The following EFCAB3 variants were observed in gnomAD, a reference collection of about 807,000 sequenced individuals.
The protein encoded by EFCAB3 is EF-hand calcium-binding domain-containing protein 3.
In EFCAB3, 36 loss-of-function variants were observed where a neutral mutation model predicts 42.2. The ratio of observed to expected loss-of-function variants is 0.85; its 90% confidence interval spans 0.65 to 1.13. The LOEUF (loss-of-function observed/expected upper bound fraction) is 1.13, where lower values mean the gene tolerates loss of function less well. EFCAB3 is among the 50% of genes most tolerant of loss of function. The pLI, the probability that EFCAB3 is intolerant of heterozygous loss-of-function variation, is 0.00. For synonymous variants in EFCAB3, 170 were observed against 172.8 expected (o/e 0.98, Z 0.13); for missense variants, 418 against 505.1 (o/e 0.83, Z 1.65).
intron 5 of EFCAB3, among the ~76,000 whole-genome samples, chr17:62,394,099 G>A (rs903787537): frequency 1.3e-5 from 2 of 151,930 alleles, no homozygotes; most frequent in African/African-American, 4.8e-5. Context: ...GACTACAGGC[G>A]CCCGCCACCA....
rs773660770 is a variant in EFCAB3, at chr17:62,391,844, C to A, written c.174C>A (p.Phe58Leu). The A allele has an allele frequency of 6.2e-7, 1 of 1,613,612 alleles. No individual in the cohort carries two copies. Among genetic ancestry groups the A allele is most frequent in the Non-Finnish European group, 8.5e-7 (1 of 1,179,770 alleles). The change falls in exon 4 of 10, where the codon TTC becomes TTA. Residue 58 changes from phenylalanine to leucine, a missense_variant. By Grantham distance (22) the Phe-to-Leu change is conservative. Transcript: ENST00000305286. ...QMAAFQDAYN[F>L]FYKDKTGCID... ...CAGCTTTCCAAGATGCCTACAACTT[C>A]TTCTACAAGGACAAAACTGGCTGTA...
upstream of EFCAB3, among the ~76,000 whole-genome samples, chr17:62,375,858 A>G (rs1413963631): frequency 6.6e-6 from 1 of 151,286 alleles, no homozygotes; most frequent in East Asian, 1.9e-4. Context: ...TTCCTCTTTT[A>G]TTATCTTCTC....
intron 4 of EFCAB3, among the ~76,000 whole-genome samples, chr17:62,392,707 A>G (rs1455952327): frequency 1.3e-5 from 2 of 151,664 alleles, no homozygotes; most frequent in African/African-American, 4.8e-5. Context: ...GCGCAATCTC[A>G]GCTCACTGCA....
At chr17:62,377,182 T>C (rs1222957949), upstream of EFCAB3, among the ~76,000 whole-genome samples, 1 of 152,262 alleles carries the variant, frequency 6.6e-6, no homozygotes, top group Non-Finnish European at 1.5e-5. Flanking sequence ...ATTTCTTCTT[T>C]ATATGTATTG....
At chr17:62,371,978 T>A (rs916318835) in intron 1 of EFCAB3, among the ~76,000 whole-genome samples, 3 of 151,838 alleles carry the variant, frequency 2.0e-5, no homozygotes, top group African/African-American at 7.3e-5. Context: ...TTTAAAAGAG[T>A]ATATTGATTT....
intron 9 of EFCAB3, among the ~76,000 whole-genome samples, chr17:62,415,247 C>G (rs752803691): frequency 9.9e-5 from 15 of 152,178 alleles, no homozygotes; most frequent in Non-Finnish European, 2.1e-4. Flanking sequence ...TGCTAATGAT[C>G]CAACATGAAG....
upstream of EFCAB3, among the ~76,000 whole-genome samples, chr17:62,378,770 G>T (rs551658394): frequency 3.0e-3 from 425 of 141,384 alleles, 2 homozygotes; most frequent in African/African-American, 1.0e-2. Flanking sequence ...CTGTTGGGGG[G>T]TAGGGGGGTG....
chr17:62,388,159 C>G (rs796641312), intron 3 of EFCAB3, among the ~76,000 whole-genome samples: 1 of 151,796 alleles, frequency 6.6e-6, no homozygotes, highest in African/African-American at 2.4e-5. Flanking sequence ...TGCAGTAAGC[C>G]GAGATCGCGC....
In EFCAB3 at chr17:62,406,607, G is replaced by T. The variant is rs1598019967; in HGVS notation, c.616G>T (p.Ala206Ser). 3.1e-6 allele frequency: 5 copies of T among 1,614,016 alleles called. No homozygotes were observed. The East Asian group carries it at 1.1e-4, about 36-fold the overall frequency. The change falls in exon 7 of 10, where the codon GCT (alanine) becomes TCT (serine). Residue 206 changes from alanine (A) to serine (S), a missense_variant. Physicochemically the swap from Ala to Ser is moderately conservative, Grantham distance 99 (BLOSUM62 1). Transcript: ENST00000305286. ...TPPSSSMAAF[A>S]NAARIAIMKE... ...TCCAAGCTCAAGCATGGCTGCCTTT[G>T]CTAATGCTGCCCGGATTGCAATAAT...
At chr17:62,412,869 T>A (rs1159194037) in intron 8 of EFCAB3, among the ~76,000 whole-genome samples, 1 of 152,100 alleles carries the variant, frequency 6.6e-6, no homozygotes, top group Non-Finnish European at 1.5e-5. Flanking sequence ...TGGAGAATTT[T>A]AACTTAAGGA....
intron 6 of EFCAB3, among the ~76,000 whole-genome samples, chr17:62,401,153 A>C (rs1308696678): frequency 6.6e-6 from 1 of 151,924 alleles, no homozygotes; most frequent in African/African-American, 2.4e-5. Flanking sequence ...TTTTCTTGTA[A>C]ATTTGTTTAA....
At position 62,382,985 on chromosome 17, in the gene EFCAB3, A is replaced by C. The variant is rs1402867125; in HGVS notation, c.6A>C (p.Ala2=). The change falls in exon 2 of 10, where the codon GCA becomes GCC. Residue 2 remains alanine (A), a synonymous_variant. Coordinates refer to ENST00000305286, the MANE Select transcript of EFCAB3 (RefSeq NM_173503.4). ...CAGACAGAGTCACTGGCCACATGGCAGTTTCAGAAATTAAACCAAAACTTA... is the reference window on the plus strand; with the variant it reads ...CAGACAGAGTCACTGGCCACATGGCCGTTTCAGAAATTAAACCAAAACTTA... M[A]VSEIKPKLKL... 2 of 1,613,658 alleles carry C rather than the reference A, an allele frequency of 1.2e-6. No homozygotes were observed. Among genetic ancestry groups the C allele is most frequent in the East Asian group, 4.5e-5 (2 of 44,858 alleles).
At chr17:62,378,650 T>G (rs1176920527), upstream of EFCAB3, among the ~76,000 whole-genome samples, 1 of 151,898 alleles carries the variant, frequency 6.6e-6, no homozygotes, top group Non-Finnish European at 1.5e-5. Flanking sequence ...CATTGAGCCA[T>G]CACTGCACCA....
intron 3 of EFCAB3, 125 bp from the exon 4 acceptor site, chr17:62,391,697 A>AT (rs2070303793): frequency 3.7e-6 from 4 of 1,080,598 alleles, no homozygotes; most frequent in East Asian, 2.5e-5. Flanking sequence ...TTAAGCACTC[A>AT]TTTTTTTCGC....
In EFCAB3 at chr17:62,389,404, C is replaced by T. The variant is rs148223877; in HGVS notation, c.151+1988C>T. On this transcript the variant is annotated intron_variant, in intron 3 of 9. Coordinates refer to ENST00000305286, the MANE Select transcript of EFCAB3 (RefSeq NM_173503.4). ...AGGAATTGACCAGCCCTGAGAGGGGCAGTCCCTCCAGGGCCAGCAAGGCCC... is the reference window on the plus strand; with the variant it reads ...AGGAATTGACCAGCCCTGAGAGGGGTAGTCCCTCCAGGGCCAGCAAGGCCC... Among the ~76,000 whole-genome samples, 30 of 152,280 alleles carry T rather than the reference C, an allele frequency of 2.0e-4. No homozygotes were observed. In the East Asian group the frequency reaches 5.8e-3, roughly 29 times the overall value.
intron 6 of EFCAB3, 27 bp from the exon 7 acceptor site, chr17:62,406,453 A>T (rs1272057135): frequency 1.3e-6 from 2 of 1,549,090 alleles, no homozygotes; most frequent in African/African-American, 2.8e-5. Flanking sequence ...CTTTGTATCC[A>T]TTTCTGAATT....
At position 62,387,489 on chromosome 17, in the gene EFCAB3, G is replaced by T. The variant is rs571084210; in HGVS notation, c.151+73G>T. The T allele has an allele frequency of 1.2e-4, 152 of 1,313,336 alleles. 1 individual carries two copies. In the East Asian group the frequency reaches 3.7e-3, roughly 32 times the overall value. 81.4% of individuals were successfully genotyped at this position (1,313,336 alleles called of 1,614,324 possible). A position where few individuals can be genotyped will look rare whatever the true frequency, so the allele number is the denominator to read the frequency against. On this transcript the variant is annotated intron_variant, in intron 3 of 9. Coordinates refer to ENST00000305286, the MANE Select transcript of EFCAB3 (RefSeq NM_173503.4). ...GTCTGATCCTTTCTTCTCTAAGAAA[G>T]ATCTGAGATTTCAAGGGTTGTCTAC... is the stretch of plus-strand genomic sequence containing the variant.
chr17:62,382,843 A>G (rs1029136694), intron 1 of EFCAB3, 120 bp from the exon 2 acceptor site: 2 of 740,218 alleles, frequency 2.7e-6, no homozygotes, highest in East Asian at 2.9e-5. Context: ...GTTTGCATCT[A>G]TTACCATTTC....
At chr17:62,401,505 A>G (rs1322853410) in intron 6 of EFCAB3, among the ~76,000 whole-genome samples, 2 of 152,170 alleles carry the variant, frequency 1.3e-5, no homozygotes, top group East Asian at 1.9e-4. Flanking sequence ...CTTTCTACAT[A>G]TGGCTAGCCA....
Sources: allele counts gnomAD v4.1 joint callset (sites outside exome capture counted in the v4.1 genomes callset), GRCh38; gene constraint gnomAD v4.1.1; transcripts MANE v1.5; gene names NCBI Gene and HGNC (gene_info 2026-07-23, HGNC 2026-07-21).